The following EMSY variants were observed in gnomAD, a reference collection of about 807,000 sequenced individuals.
EMSY encodes the protein BRCA2-interacting transcriptional repressor EMSY.
EMSY carries 26 observed loss-of-function variants against 134.6 expected under a neutral mutation model. That is an observed-to-expected ratio of 0.19 (90% CI 0.14 to 0.27). EMSY has a LOEUF of 0.27. Ranked by LOEUF, EMSY falls within the 10% of genes least tolerant of loss-of-function variation. The pLI, the probability that EMSY is intolerant of heterozygous loss-of-function variation, is 1.00. For synonymous variants in EMSY, 579 were observed against 577.8 expected, an observed-to-expected ratio of 1.00 and a Z score of -0.03; for missense variants, 1,305 against 1,611.4, an observed-to-expected ratio of 0.81 and a Z score of 3.26.
At chr11:76,534,758 C>T (rs539165683) in intron 14 of EMSY, among the ~76,000 whole-genome samples, 1 of 152,214 alleles carries the variant, frequency 6.6e-6, no homozygotes, top group South Asian at 2.1e-4. Flanking sequence ...TTGCCCTAAT[C>T]ATTTGATATT....
At chr11:76,541,957 G>C (rs551359461) in intron 17 of EMSY, 3 of 599,550 alleles carry the variant, frequency 5.0e-6, no homozygotes, top group Non-Finnish European at 8.9e-6. Flanking sequence ...CAGTGCTTCC[G>C]TATACATTTC....
chr11:76,494,002 G>C (rs928592414), intron 8 of EMSY, among the ~76,000 whole-genome samples: 1 of 152,252 alleles, frequency 6.6e-6, no homozygotes, highest in South Asian at 2.1e-4. Context: ...GTGTCTCCAA[G>C]CTTTCGGGCG....
At position 76,464,094 on chromosome 11, in the gene EMSY, G is replaced by A. The variant is rs1239480040; in HGVS notation, c.831+14G>A. 4 of 1,613,488 alleles carry A rather than the reference G, an allele frequency of 2.5e-6. No homozygotes were observed. In the Admixed American group the frequency reaches 5.0e-5, roughly 20 times the overall value. ...ACAACACAGAAGGTATGTGGTGGAGGGAGTCTCTGCCTGCCAATTGTTTCT... is the reference window on the plus strand; with the variant it reads ...ACAACACAGAAGGTATGTGGTGGAGAGAGTCTCTGCCTGCCAATTGTTTCT... On this transcript the variant is annotated intron_variant, in intron 7 of 20. Transcript: ENST00000334736.
intron 4 of EMSY, chr11:76,453,995 G>A (rs950141811): frequency 1.3e-5 from 2 of 152,122 alleles, no homozygotes; most frequent in African/African-American, 4.8e-5. Context: ...ATTGAGGGCA[G>A]GGATTAAGCC....
intron 20 of EMSY, 79 bp downstream of exon 21, chr11:76,546,376 C>A: frequency 6.7e-7 from 1 of 1,492,884 alleles, no homozygotes; most frequent in Non-Finnish European, 9.0e-7. Flanking sequence ...TGACTTGTCA[C>A]AGGAAGAATC....
In EMSY at chr11:76,542,967, G is replaced by A. The variant is rs774433750; in HGVS notation, c.2709+600G>A. Among the ~76,000 whole-genome samples the A allele has an allele frequency of 2.6e-5, 4 of 152,158 alleles. No individual in the cohort carries two copies. In the South Asian group the frequency reaches 6.2e-4, roughly 24 times the overall value. On this transcript the variant is annotated intron_variant, in intron 18 of 20. Coordinates refer to ENST00000334736, the Ensembl canonical transcript of EMSY. ...TATGTTAATAGGTTGATTTTGTGTCGGATACTGTGCTTTGAGCTTTAAGTA... is the reference window on the plus strand; with the variant it reads ...TATGTTAATAGGTTGATTTTGTGTCAGATACTGTGCTTTGAGCTTTAAGTA...
intron 9 of EMSY, among the ~76,000 whole-genome samples, chr11:76,511,917 C>A (rs2136097840): frequency 6.6e-6 from 1 of 152,044 alleles, no homozygotes; most frequent in East Asian, 1.9e-4. Flanking sequence ...CTAATAGAAT[C>A]ATTATTTTAT....
chr11:76,551,574 G>A (rs910190109), downstream of EMSY: 15 of 152,646 alleles, frequency 9.8e-5, no homozygotes, highest in African/African-American at 3.4e-4. Context: ...GCATTCATAA[G>A]ATGCGCTGAT....
At chr11:76,448,320 G>A (rs545529093) in intron 2 of EMSY, among the ~76,000 whole-genome samples, 1 of 151,820 alleles carries the variant, frequency 6.6e-6, no homozygotes, top group Non-Finnish European at 1.5e-5. Flanking sequence ...GGGTGTGGGG[G>A]ATGTCAATCT....
chr11:76,544,157 A>G (rs1565366134), intron 18 of EMSY, 102 bp from the exon 20 acceptor site: 1 of 1,252,026 alleles, frequency 8.0e-7, no homozygotes, highest in Non-Finnish European at 1.1e-6. Flanking sequence ...TTCTTCTGAA[A>G]ATTTTTGAGT....
At chr11:76,509,646 C>A (rs917297531) in intron 9 of EMSY, among the ~76,000 whole-genome samples, 6 of 152,072 alleles carry the variant, frequency 3.9e-5, no homozygotes, top group African/African-American at 1.4e-4. Context: ...TTAAAAAGAT[C>A]TCTAAGATAC....
intron 9 of EMSY, among the ~76,000 whole-genome samples, chr11:76,502,287 C>CA (rs34882734): frequency 0.13 from 1,144 of 8,542 alleles, 431 homozygotes; most frequent in African/African-American, 0.19. Flanking sequence ...AGAAAATGGG[C>CA]AAAAAAAAAA....
At chr11:76,509,110 A>G (rs963121556) in intron 9 of EMSY, among the ~76,000 whole-genome samples, 2 of 152,200 alleles carry the variant, frequency 1.3e-5, no homozygotes, top group African/African-American at 4.8e-5. Context: ...AGATATAATA[A>G]TAAAAAAAAA....
exon 21 of EMSY, chr11:76,550,723 T>C (rs1302868843): frequency 6.6e-6 from 1 of 152,270 alleles, no homozygotes; most frequent in African/African-American, 2.4e-5. Flanking sequence ...GGGAGGTACT[T>C]TTTGGGTGGC....
chr11:76,471,642 T>A (rs1948572420), intron 7 of EMSY, among the ~76,000 whole-genome samples: 1 of 152,142 alleles, frequency 6.6e-6, no homozygotes, highest in South Asian at 2.1e-4. Context: ...TTAGAATTTG[T>A]CTGATGTTCT....
intron 9 of EMSY, among the ~76,000 whole-genome samples, chr11:76,512,823 A>G (rs1950325537): frequency 6.6e-6 from 1 of 151,928 alleles, no homozygotes; most frequent in Non-Finnish European, 1.5e-5. Flanking sequence ...GTGTAGGTAG[A>G]ATAATAATGT....
chr11:76,546,601 C>T (rs1951663250), intron 20 of EMSY, among the ~76,000 whole-genome samples: 1 of 152,168 alleles, frequency 6.6e-6, no homozygotes, highest in Admixed American at 6.5e-5. Context: ...AATGTGTTCA[C>T]TCATTAAGTC....
At chr11:76,523,115 G>A (rs1161445084) in intron 11 of EMSY, 40 bp from the exon 13 acceptor site, 1 of 1,578,146 alleles carries the variant, frequency 6.3e-7, no homozygotes, top group Admixed American at 1.9e-5. Flanking sequence ...AGTATCTCTA[G>A]TCCTTAACTC....
chr11:76,494,890 C>G (rs1364296049), intron 8 of EMSY, among the ~76,000 whole-genome samples: 1 of 152,104 alleles, frequency 6.6e-6, no homozygotes, highest in Admixed American at 6.5e-5. Context: ...TGCCTGCCAC[C>G]GTGCCCGGCT....
Sources: allele counts gnomAD v4.1 joint callset (sites outside exome capture counted in the v4.1 genomes callset), GRCh38; gene constraint gnomAD v4.1.1; transcripts MANE v1.5; gene names NCBI Gene and HGNC (gene_info 2026-07-23, HGNC 2026-07-21).